The following TRAF5 variants were observed in gnomAD, a reference collection of about 807,000 sequenced individuals.
The protein encoded by TRAF5 is TNF receptor-associated factor 5.
Under a neutral mutation model 64.5 loss-of-function variants are expected in TRAF5, and 48 were observed. The ratio of observed to expected loss-of-function variants is 0.74; its 90% CI spans 0.59 to 0.95. The LOEUF (loss-of-function observed/expected upper bound fraction) is 0.95. Among genes scored for constraint, TRAF5 ranks in the 40% least tolerant of loss-of-function variants. TRAF5 has a pLI of 0.00. For synonymous variants in TRAF5, 206 were observed against 240.5 expected, an observed-to-expected ratio of 0.86 and a Z score of 1.33; for missense variants, 545 against 662.8, an observed-to-expected ratio of 0.82 and a Z score of 1.95.
chr1:211,354,341 G>A, intron 2 of TRAF5, 69 bp from the exon 3 acceptor site: 1 of 1,490,230 alleles, frequency 6.7e-7, no homozygotes, highest in Non-Finnish European at 9.3e-7. Flanking sequence ...CTGGAGCCCT[G>A]GGGCTGGTCT....
chr1:211,353,357 G>A lies in TRAF5; in HGVS notation c.118G>A (p.Glu40Lys), dbSNP rs1702855907. The A allele has an allele frequency of 6.2e-7, 1 of 1,614,080 alleles. No individual in the cohort carries two copies. Among genetic ancestry groups the A allele is most frequent in the African/African-American group, 1.3e-5 (1 of 74,924 alleles). Residue 40 changes from glutamate to lysine, a missense_variant, in exon 2 of 11, where the codon GAA becomes AAA. Transcript: ENST00000261464. ...SIEYQFVERL[E>K]ERYKCAFCHS... ...AGAGTACCAGTTTGTGGAGCGGTTGGAAGAGCGCTACAAATGTGCCTTCTG... is the reference window on the plus strand; with the variant it reads ...AGAGTACCAGTTTGTGGAGCGGTTGAAAGAGCGCTACAAATGTGCCTTCTG...
At chr1:211,361,852 A>C (rs1206087669) in intron 7 of TRAF5, among the ~76,000 whole-genome samples, 1 of 151,632 alleles carries the variant, frequency 6.6e-6, no homozygotes, top group Non-Finnish European at 1.5e-5. Context: ...ACCCGCCATC[A>C]TGCCTGGCTA....
At chr1:211,351,073 C>G (rs1702773116) in intron 1 of TRAF5, among the ~76,000 whole-genome samples, 3 of 135,502 alleles carry the variant, frequency 2.2e-5, no homozygotes, top group African/African-American at 5.4e-5. Flanking sequence ...TGCTCTGACA[C>G]TGGAGTGCAG....
chr1:211,354,607 T>G, intron 3 of TRAF5, 140 bp downstream of exon 3: 1 of 822,824 alleles, frequency 1.2e-6, no homozygotes, highest in Non-Finnish European at 1.9e-6. Flanking sequence ...TGGGGTCACA[T>G]CAGACCCTAC....
At chr1:211,343,229 G>A (rs1236387179) in intron 1 of TRAF5, among the ~76,000 whole-genome samples, 1 of 152,068 alleles carries the variant, frequency 6.6e-6, no homozygotes, top group Non-Finnish European at 1.5e-5. Flanking sequence ...TGGCTATGAA[G>A]GGGTATGGGC....
Position 211,326,905 on chromosome 1 carries a change from C to T in TRAF5, c.-2+16C>T. The stretch of plus-strand genomic sequence containing the variant: ...CGAGCCCCACGTGAGTCCGGCGGGT[C>T]GCCGCCCTGGGCACCCTCGCGACGG... On this transcript the variant is annotated intron_variant, in intron 1 of 10. Coordinates refer to ENST00000261464, the MANE Select transcript of TRAF5 (RefSeq NM_001033910.3). The surrounding 1 kb of genome is among the most constrained non-coding windows in gnomAD (Gnocchi z 5.0). 1.0e-6 allele frequency: 1 copy of T among 984,852 alleles called. No homozygotes were observed. 61.0% of individuals were successfully genotyped at this position (984,852 alleles called of 1,614,324 possible). A position where few individuals can be genotyped will look rare whatever the true frequency, so the allele number is the denominator to read the frequency against.
rs372220493 is a variant in TRAF5 at position 211,354,352 on chromosome 1, T to C, written c.219-58T>C. The stretch of plus-strand genomic sequence containing the variant: ...ATGGCTGGAGCCCTGGGGCTGGTCT[T>C]GGAAATGCTGTTGAGGTAAACAACT... On this transcript the variant is annotated intron_variant, in intron 2 of 10. Transcript: ENST00000261464. 1.2e-5 allele frequency: 19 copies of C among 1,562,696 alleles called. No homozygotes were observed. The African/African-American group carries it at 2.6e-4, about 21-fold the overall frequency.
At position 211,371,806 on chromosome 1, in the gene TRAF5, A is replaced by G. The variant is rs573126135; in HGVS notation, c.1100-322A>G. Among the ~76,000 whole-genome samples, 27 of 152,362 alleles carry G rather than the reference A, an allele frequency of 1.8e-4. 1 individual carries two copies. The highest frequency in any genetic ancestry group is 6.0e-4 in the African/African-American group (25 of 41,590). On this transcript the variant is annotated intron_variant, in intron 10 of 10. Coordinates refer to ENST00000261464, the MANE Select transcript of TRAF5 (RefSeq NM_001033910.3). Reference sequence around the variant, plus strand: ...ATCATTGTTTTAGGTATGGAAAAATATTAAAGGGTTTGGCCATTTAAAAGC... The same window carrying G: ...ATCATTGTTTTAGGTATGGAAAAATGTTAAAGGGTTTGGCCATTTAAAAGC...
chr1:211,350,756 A>T (rs1227508612), intron 1 of TRAF5, among the ~76,000 whole-genome samples: 1 of 152,200 alleles, frequency 6.6e-6, no homozygotes, highest in Non-Finnish European at 1.5e-5. Flanking sequence ...GAGGTTTCTG[A>T]CAGTTCTGGA....
intron 1 of TRAF5, among the ~76,000 whole-genome samples, chr1:211,327,662 C>T (rs1375454362): frequency 6.6e-6 from 1 of 152,226 alleles, no homozygotes; most frequent in Non-Finnish European, 1.5e-5. Context: ...TCCCACTGGG[C>T]CACTCTGGCT....
intron 1 of TRAF5, among the ~76,000 whole-genome samples, chr1:211,340,430 G>GCC (rs1558133327): frequency 6.6e-6 from 1 of 152,162 alleles, no homozygotes; most frequent in East Asian, 1.9e-4. Flanking sequence ...GATTACAGGT[G>GCC]TGCACCACCA....
chr1:211,351,514 A>G (rs556301956), intron 1 of TRAF5, among the ~76,000 whole-genome samples: 3 of 152,172 alleles, frequency 2.0e-5, no homozygotes, highest in African/African-American at 4.8e-5. Flanking sequence ...TGTGAGTAAT[A>G]TATTTGTGTG....
chr1:211,372,031 T>G, intron 10 of TRAF5, 97 bp from the exon 11 acceptor site: 2 of 1,058,936 alleles, frequency 1.9e-6, no homozygotes, highest in Non-Finnish European at 2.7e-6. Flanking sequence ...AGGATTTTGT[T>G]GATTCTCTTT....
chr1:211,334,663 A>AAAAC (rs981453719), intron 1 of TRAF5, among the ~76,000 whole-genome samples: 1 of 152,154 alleles, frequency 6.6e-6, no homozygotes, highest in African/African-American at 2.4e-5. Context: ...GTCTCAAAAC[A>AAAAC]AAACAAACAA....
chr1:211,372,686 A>C lies in TRAF5; in HGVS notation c.1658A>C (p.Asp553Ala), dbSNP rs766498105. 6 of 1,613,934 alleles carry C rather than the reference A, an allele frequency of 3.7e-6. No homozygotes were observed. The African/African-American group carries it at 8.0e-5, about 22-fold the overall frequency. Residue 553 changes from aspartate to alanine, a missense_variant, in exon 11 of 11, where the codon GAC (aspartate) becomes GCC (alanine). Transcript: ENST00000261464. Reference protein sequence around the residue: ...LFLKVAVDLTDLEDL With the variant: ...LFLKVAVDLTALEDL ...TTGAAAGTGGCCGTGGACTTAACTG[A>C]CCTGGAGGATCTCTAGTCACTGTTA...
intron 1 of TRAF5, among the ~76,000 whole-genome samples, chr1:211,329,193 G>T (rs2102704964): frequency 6.6e-6 from 1 of 152,316 alleles, no homozygotes; most frequent in Middle Eastern, 3.4e-3. Flanking sequence ...CAAGACCCTT[G>T]TCTGTTTTCA....
chr1:211,327,468 C>G (rs376583025), intron 1 of TRAF5, among the ~76,000 whole-genome samples: 1 of 152,236 alleles, frequency 6.6e-6, no homozygotes, highest in East Asian at 1.9e-4. Context: ...CCCCCTCCCC[C>G]AGAAGGCGAG....
chr1:211,344,476 G>T (rs1164406699), intron 1 of TRAF5, among the ~76,000 whole-genome samples: 1 of 152,222 alleles, frequency 6.6e-6, no homozygotes, highest in East Asian at 1.9e-4. Context: ...GTGGACTGTG[G>T]TCACATGTTG....
At chr1:211,343,696 C>G (rs74341547) in intron 1 of TRAF5, among the ~76,000 whole-genome samples, 1 of 152,180 alleles carries the variant, frequency 6.6e-6, no homozygotes, top group African/African-American at 2.4e-5. Context: ...GCTCCATTCA[C>G]TTCTTTTAAT....
Sources: allele counts gnomAD v4.1 joint callset (sites outside exome capture counted in the v4.1 genomes callset), GRCh38; gene constraint gnomAD v4.1.1; non-coding constraint Gnocchi (gnomAD v3.1); transcripts MANE v1.5; gene names NCBI Gene and HGNC (gene_info 2026-07-23, HGNC 2026-07-21).